ZFAND2A: variants seen among roughly 807,000 people sequenced by gnomAD.
The protein encoded by ZFAND2A is zinc finger AN1-type containing 2A, also known as AN1-type zinc finger protein 2A.
In ZFAND2A, 20 loss-of-function variants were observed where a neutral mutation model predicts 11.6. The ratio of observed to expected loss-of-function variants is 1.72; its 90% CI spans 1.21 to 2.50. The LOEUF is 2.50. Ranked by LOEUF, ZFAND2A falls within the 30% of genes most tolerant of loss-of-function variation. ZFAND2A has a pLI of 0.00. For missense variants in ZFAND2A, 234 were observed against 182.9 expected, an observed-to-expected ratio of 1.28 and a Z score of -1.61; for synonymous variants, 93 against 60.6, an observed-to-expected ratio of 1.54 and a Z score of -2.48.
At chr7:1,155,147 CAAAT>C (rs377337280) in intron 4 of ZFAND2A, among the ~76,000 whole-genome samples, 114 of 151,952 alleles carry the variant, frequency 7.5e-4, no homozygotes, top group African/African-American at 2.2e-3. Flanking sequence ...AACAAACAAA[CAAAT>C]GAAACGCACA....
At chr7:1,155,656 C>T in intron 3 of ZFAND2A, 72 bp from the exon 4 acceptor site, 1 of 1,563,882 alleles carries the variant, frequency 6.4e-7, no homozygotes. Flanking sequence ...TAAACGAGTA[C>T]TCCTGTGCGG....
At chr7:1,151,745 C>T (rs927850599), downstream of ZFAND2A, among the ~76,000 whole-genome samples, 1 of 50,402 alleles carries the variant, frequency 2.0e-5, no homozygotes, top group African/African-American at 8.3e-5. Flanking sequence ...GGCAATAGAG[C>T]AAGACTTCAT....
Position 1,152,916 on chromosome 7 carries a change from G to T in ZFAND2A, c.*153C>A. On this transcript the variant is annotated 3_prime_UTR_variant, in exon 5 of 5. Transcript: ENST00000316495. Reference sequence around the variant, plus strand: ...ATGAGAACAACTAGAATCAACTTCAGCATTCAATTTTATTATAGTCCCATC... The same window carrying T: ...ATGAGAACAACTAGAATCAACTTCATCATTCAATTTTATTATAGTCCCATC... 9.0e-7 allele frequency: 1 copy of T among 1,117,014 alleles called. No individual in the cohort carries two copies. Among genetic ancestry groups the T allele is most frequent in the Non-Finnish European group, 1.3e-6 (1 of 752,660 alleles). 69.2% of individuals were successfully genotyped at this position (1,117,014 alleles called of 1,614,324 possible). A position where few individuals can be genotyped will look rare whatever the true frequency, so the allele number is the denominator to read the frequency against.
chr7:1,150,988 A>G (rs565901302), downstream of ZFAND2A, among the ~76,000 whole-genome samples: 1 of 151,228 alleles, frequency 6.6e-6, no homozygotes, highest in East Asian at 1.9e-4. Context: ...CCCAGGTTCA[A>G]GTGATTCTCC....
At chr7:1,150,969 C>G (rs139006495), downstream of ZFAND2A, among the ~76,000 whole-genome samples, 3,894 of 150,736 alleles carry the variant, frequency 0.026, 73 homozygotes, top group African/African-American at 0.049. Context: ...CTCACTGCAA[C>G]CTCCGCCTCC....
chr7:1,159,516 C>G (rs1793626095), intron 1 of ZFAND2A, among the ~76,000 whole-genome samples: 1 of 140,136 alleles, frequency 7.1e-6, no homozygotes. Context: ...CCCCAGCAGA[C>G]AGCCGGACCC....
chr7:1,155,587 A>T lies in ZFAND2A; in HGVS notation c.151-3T>A. 6.2e-7 allele frequency: 1 copy of T among 1,609,832 alleles called. No individual in the cohort carries two copies. The highest frequency in any genetic ancestry group is 8.5e-7 in the Non-Finnish European group (1 of 1,178,340). The stretch of plus-strand genomic sequence containing the variant: ...GGGCATACTGGGACGTGAACATCCT[A>T]AAAATAACAAAGGTAAGATGGCATC... On this transcript the variant is annotated splice_polypyrimidine_tract_variant and splice_region_variant and intron_variant, in intron 3 of 4. Transcript: ENST00000316495.
intron 3 of ZFAND2A, chr7:1,157,396 CTAAG>C (rs1210869543): frequency 3.1e-5 from 10 of 317,636 alleles, no homozygotes; most frequent in African/African-American, 1.7e-4. Flanking sequence ...AAGGTTACAA[CTAAG>C]TGACTCCATG....
intron 2 of ZFAND2A, 65 bp from the exon 3 acceptor site, chr7:1,157,815 C>G (rs1188646866): frequency 9.5e-6 from 12 of 1,267,838 alleles, no homozygotes; most frequent in Admixed American, 2.5e-5. Flanking sequence ...ATAGTACTAT[C>G]AAAGTGTTTA....
intron 3 of ZFAND2A, among the ~76,000 whole-genome samples, chr7:1,156,768 T>C (rs1400118354): frequency 2.0e-5 from 3 of 152,158 alleles, no homozygotes; most frequent in African/African-American, 7.2e-5. Flanking sequence ...TCACAGGTGG[T>C]GGTGCTTCCT....
chr7:1,150,342 C>A (rs192405678), downstream of ZFAND2A, among the ~76,000 whole-genome samples: 101 of 151,266 alleles, frequency 6.7e-4, no homozygotes, highest in African/African-American at 2.1e-3. Flanking sequence ...AAGGCAGTGG[C>A]TTGTGTTTTT....
chr7:1,158,202 G>A lies in ZFAND2A; in HGVS notation c.11C>T (p.Pro4Leu), dbSNP rs1233828192. 1 of 1,613,976 alleles carries A rather than the reference G, an allele frequency of 6.2e-7. No homozygotes were observed. Among genetic ancestry groups the A allele is most frequent in the Non-Finnish European group, 8.5e-7 (1 of 1,179,966 alleles). Residue 4 changes from proline to leucine, a missense_variant, in exon 2 of 5, where the codon CCT becomes CTT. By Grantham distance (98) the Pro-to-Leu change is moderately conservative. Transcript: ENST00000316495. ...TTCTGAACAATGCTTCCCCAAATCA[G>A]GAAACTCCATTATGAGAACAGTGCT... MEF[P>L]DLGKHCSEKT...
intron 4 of ZFAND2A, among the ~76,000 whole-genome samples, chr7:1,154,938 T>A (rs1221122634): frequency 6.6e-6 from 1 of 152,046 alleles, no homozygotes; most frequent in East Asian, 1.9e-4. Context: ...GCCAACATAG[T>A]GAAACCCTGT....
chr7:1,152,944 C>T lies in ZFAND2A; in HGVS notation c.*125G>A, dbSNP rs769632963. 2 of 1,317,584 alleles carry T rather than the reference C, an allele frequency of 1.5e-6. No homozygotes were observed. The highest frequency in any genetic ancestry group is 2.1e-6 in the Non-Finnish European group (2 of 932,628). 81.6% of individuals were successfully genotyped at this position (1,317,584 alleles called of 1,614,324 possible). A position where few individuals can be genotyped will look rare whatever the true frequency, so the allele number is the denominator to read the frequency against. On this transcript the variant is annotated 3_prime_UTR_variant, in exon 5 of 5. Coordinates refer to ENST00000316495, the MANE Select transcript of ZFAND2A (RefSeq NM_182491.4). ...TTCAATTTTATTATAGTCCCATCTCCCTCAACAAACAAGATCAGCAGCCAG... is the reference window on the plus strand; with the variant it reads ...TTCAATTTTATTATAGTCCCATCTCTCTCAACAAACAAGATCAGCAGCCAG...
At chr7:1,157,626 T>G in intron 3 of ZFAND2A, 30 bp downstream of exon 3, 21 of 1,567,498 alleles carry the variant, frequency 1.3e-5, no homozygotes, top group South Asian at 2.4e-5. Context: ...ACGGTGAAGA[T>G]GAGAATCTTT....
At position 1,160,146 on chromosome 7, in the gene ZFAND2A, G is replaced by A. The variant is rs555957187; in HGVS notation, c.-228C>T. The A allele has an allele frequency of 6.6e-6, 1 of 152,594 alleles. No individual in the cohort carries two copies. 9.5% of individuals were successfully genotyped at this position (152,594 alleles called of 1,614,324 possible). The stretch of plus-strand genomic sequence containing the variant: ...GGAACGCAACATCTCGCTGCCCGCG[G>A]CCTACGGGGATTTATCCGCAGCCCC... On this transcript the variant is annotated 5_prime_UTR_variant, in exon 1 of 5. Coordinates refer to ENST00000316495, the MANE Select transcript of ZFAND2A (RefSeq NM_182491.4).
chr7:1,159,921 C>G (rs113571053), intron 1 of ZFAND2A, 43 bp downstream of exon 1: 2 of 170,898 alleles, frequency 1.2e-5, no homozygotes, highest in Non-Finnish European at 2.6e-5. Context: ...CAAGGCAGGC[C>G]CGACCCCCGG....
chr7:1,149,859 T>G (rs968607533), downstream of ZFAND2A, among the ~76,000 whole-genome samples: 20 of 151,608 alleles, frequency 1.3e-4, no homozygotes, highest in Admixed American at 2.6e-4. Context: ...TTAAGTTTTT[T>G]TTTTTTTTTT....
At chr7:1,154,731 A>G (rs1793481719) in intron 4 of ZFAND2A, among the ~76,000 whole-genome samples, 1 of 152,264 alleles carries the variant, frequency 6.6e-6, no homozygotes, top group Non-Finnish European at 1.5e-5. Context: ...ATATAACTGT[A>G]AAGTATTGAA....
Sources: allele counts gnomAD v4.1 joint callset (sites outside exome capture counted in the v4.1 genomes callset), GRCh38; gene constraint gnomAD v4.1.1; transcripts MANE v1.5; gene names NCBI Gene and HGNC (gene_info 2026-07-23, HGNC 2026-07-21).